PPM1H: variants seen among roughly 807,000 people sequenced by gnomAD.
PPM1H encodes protein phosphatase 1H.
PPM1H carries 27 observed loss-of-function variants against 54.9 expected under a neutral mutation model. The observed-to-expected ratio is 0.49, with a 90% CI of 0.36 to 0.68. The LOEUF is 0.68. PPM1H is among the 30% of genes least tolerant of loss of function. The pLI, the probability that PPM1H is intolerant of heterozygous loss-of-function variation, is 0.00. For missense variants in PPM1H, 596 were observed against 667.8 expected (o/e 0.89, Z 1.19); for synonymous variants, 305 against 270.8 (o/e 1.13, Z -1.24).
chr12:62,871,318 T>A (rs184353649), intron 1 of PPM1H, among the ~76,000 whole-genome samples: 1 of 152,212 alleles, frequency 6.6e-6, no homozygotes, highest in East Asian at 1.9e-4. Context: ...TCTATTTATA[T>A]GAAATGTTCA....
chr12:62,749,155 A>G (rs1036514683), intron 4 of PPM1H, among the ~76,000 whole-genome samples: 14 of 152,314 alleles, frequency 9.2e-5, no homozygotes, highest in Admixed American at 5.2e-4. Context: ...AAGGCCCCCA[A>G]TGTAATTTCA....
At chr12:62,667,865 A>ACAT (rs1317801532) in intron 8 of PPM1H, among the ~76,000 whole-genome samples, 1 of 152,170 alleles carries the variant, frequency 6.6e-6, no homozygotes, top group Non-Finnish European at 1.5e-5. Context: ...GAGTAACGAG[A>ACAT]CATTCTATTT....
intron 2 of PPM1H, among the ~76,000 whole-genome samples, chr12:62,820,309 C>G (rs1274689128): frequency 6.6e-6 from 1 of 152,224 alleles, no homozygotes; most frequent in African/African-American, 2.4e-5. Context: ...TCTGTAGACC[C>G]CACCTCTGAG....
intron 1 of PPM1H, among the ~76,000 whole-genome samples, chr12:62,910,361 G>T (rs1000831882): frequency 6.6e-6 from 1 of 152,284 alleles, no homozygotes; most frequent in East Asian, 1.9e-4. Context: ...TTCAGGAAAA[G>T]TTTGAATAAC....
chr12:62,701,082 C>A (rs192432549), intron 6 of PPM1H, among the ~76,000 whole-genome samples: 14 of 152,238 alleles, frequency 9.2e-5, no homozygotes, highest in Non-Finnish European at 8.8e-5. Context: ...GAGTGCTCAA[C>A]ATATAATGGG....
intron 9 of PPM1H, among the ~76,000 whole-genome samples, chr12:62,657,404 C>A (rs550805701): frequency 1.3e-5 from 2 of 152,224 alleles, no homozygotes; most frequent in Non-Finnish European, 2.9e-5. Context: ...CACAGCTCTG[C>A]CACATAAACA....
chr12:62,896,861 C>T (rs890001995), intron 1 of PPM1H, among the ~76,000 whole-genome samples: 2 of 152,070 alleles, frequency 1.3e-5, no homozygotes, highest in African/African-American at 4.8e-5. Context: ...AAATGTCCAT[C>T]AATGATAGAC....
At chr12:62,822,587 A>T (rs1209043476) in intron 2 of PPM1H, among the ~76,000 whole-genome samples, 1 of 152,222 alleles carries the variant, frequency 6.6e-6, no homozygotes, top group Non-Finnish European at 1.5e-5. Context: ...GGATTAAGAA[A>T]CTCACTCAAA....
At chr12:62,816,273 A>T (rs537051) in intron 2 of PPM1H, among the ~76,000 whole-genome samples, 15,653 of 152,200 alleles carry the variant, frequency 0.1, 2,501 homozygotes, top group African/African-American at 0.35. Context: ...AAAAAAGGCA[A>T]TAATAATACA....
chr12:62,706,079 T>C (rs191556278), intron 6 of PPM1H, among the ~76,000 whole-genome samples: 27 of 152,374 alleles, frequency 1.8e-4, no homozygotes, highest in African/African-American at 6.3e-4. Context: ...GACTTTAACC[T>C]ATGCTACATC....
At chr12:62,659,046 T>C in intron 9 of PPM1H, 2 of 725,574 alleles carry the variant, frequency 2.8e-6, no homozygotes, top group African/African-American at 1.7e-5. Flanking sequence ...CTTCCGGAAG[T>C]TCCTGATCCA....
intron 2 of PPM1H, among the ~76,000 whole-genome samples, chr12:62,820,772 G>A (rs1273340019): frequency 1.3e-5 from 2 of 152,150 alleles, no homozygotes; most frequent in Admixed American, 6.5e-5. Context: ...TAGGTCACTA[G>A]CATCAAAGAC....
intron 4 of PPM1H, among the ~76,000 whole-genome samples, chr12:62,771,232 A>T (rs1320068256): frequency 2.0e-5 from 3 of 151,100 alleles, no homozygotes. Flanking sequence ...AGAGCTGGAA[A>T]GAATATTACA....
At chr12:62,782,996 T>G (rs1016267918) in intron 4 of PPM1H, among the ~76,000 whole-genome samples, 1 of 151,950 alleles carries the variant, frequency 6.6e-6, no homozygotes, top group Non-Finnish European at 1.5e-5. Flanking sequence ...ACCCAGCTAA[T>G]GTATATATAT....
At chr12:62,810,708 GAT>G (rs1555198346) in intron 2 of PPM1H, among the ~76,000 whole-genome samples, 1 of 152,172 alleles carries the variant, frequency 6.6e-6, no homozygotes, top group Non-Finnish European at 1.5e-5. Flanking sequence ...TATCTACCAT[GAT>G]ATGTCTTAAC....
intron 4 of PPM1H, among the ~76,000 whole-genome samples, chr12:62,748,845 T>C (rs1268105722): frequency 6.6e-6 from 1 of 152,326 alleles, no homozygotes; most frequent in African/African-American, 2.4e-5. Context: ...CACAGTGGGC[T>C]GTTAATTGTC....
At chr12:62,850,207 T>C (rs755039227) in intron 1 of PPM1H, among the ~76,000 whole-genome samples, 35 of 152,278 alleles carry the variant, frequency 2.3e-4, no homozygotes, top group Non-Finnish European at 4.0e-4. Flanking sequence ...GCTCAAGCAA[T>C]CAACCTGCCT....
In PPM1H at chr12:62,841,622, C is replaced by T. The variant is rs145466932; in HGVS notation, c.246-9343G>A. 3.8e-4 allele frequency among the ~76,000 whole-genome samples: 58 copies of T among 152,234 alleles called. 1 individual carries two copies. The East Asian group carries it at 9.1e-3, about 24-fold the overall frequency. On this transcript the variant is annotated intron_variant, in intron 1 of 9. Transcript: ENST00000228705. ...CAGATCAAAAACAGTTGAATACTGACGATTTCACATAGTTACACGTAATAC... is the reference window on the plus strand; with the variant it reads ...CAGATCAAAAACAGTTGAATACTGATGATTTCACATAGTTACACGTAATAC...
intron 4 of PPM1H, among the ~76,000 whole-genome samples, chr12:62,784,643 C>T (rs1592597406): frequency 1.3e-5 from 2 of 152,176 alleles, no homozygotes; most frequent in East Asian, 1.9e-4. Context: ...TTAAACTGAG[C>T]CCTGGGATTC....
Sources: gnomAD v4.1 joint callset for allele counts (sites outside exome capture counted in the v4.1 genomes callset) on GRCh38, gnomAD v4.1.1 for gene constraint, MANE v1.5 for transcripts, NCBI Gene and HGNC (gene_info 2026-07-23, HGNC 2026-07-21) for gene names.